Variants in TBC1D22A observed in about 807,000 individuals in gnomAD.
TBC1D22A encodes the protein TBC1 domain family member 22A, also known as putative GTPase activator.
In TBC1D22A, 38 loss-of-function variants were observed where a neutral mutation model predicts 60.2. The ratio of observed to expected loss-of-function variants is 0.63; its 90% CI spans 0.49 to 0.83. The LOEUF (loss-of-function observed/expected upper bound fraction) is 0.83. Among genes scored for constraint, TBC1D22A ranks in the 40% least tolerant of loss-of-function variants. The pLI is 0.00. For synonymous variants in TBC1D22A, 302 were observed against 281.7 expected (o/e 1.07, Z -0.72); for missense variants, 628 against 701.0 (o/e 0.90, Z 1.18).
chr22:47,110,183 C>T (rs112993429), intron 11 of TBC1D22A, among the ~76,000 whole-genome samples: 2 of 152,284 alleles, frequency 1.3e-5, no homozygotes, highest in African/African-American at 4.8e-5. Context: ...TGCCATGTGT[C>T]TAAATGCCTT....
chr22:47,035,460 G>T (rs2062624129), intron 10 of TBC1D22A, among the ~76,000 whole-genome samples: 1 of 152,200 alleles, frequency 6.6e-6, no homozygotes, highest in African/African-American at 2.4e-5. Flanking sequence ...GCTCCACCCA[G>T]TTCTGCAGTT....
intron 11 of TBC1D22A, among the ~76,000 whole-genome samples, chr22:47,084,624 G>C (rs980595582): frequency 6.6e-6 from 1 of 152,200 alleles, no homozygotes; most frequent in Non-Finnish European, 1.5e-5. Context: ...CAGAACCTAA[G>C]TATTCAGCAA....
chr22:47,118,355 A>G (rs114814035), intron 12 of TBC1D22A, among the ~76,000 whole-genome samples: 1,747 of 152,334 alleles, frequency 0.011, 34 homozygotes, highest in African/African-American at 0.039. Context: ...AAATTAGATC[A>G]TAATAAAGTT....
intron 12 of TBC1D22A, among the ~76,000 whole-genome samples, chr22:47,136,844 C>T (rs5766692): frequency 6.6e-6 from 1 of 151,940 alleles, no homozygotes; most frequent in South Asian, 2.1e-4. Context: ...CCTGTTGCAT[C>T]GGTAGGGTGG....
intron 11 of TBC1D22A, among the ~76,000 whole-genome samples, chr22:47,081,785 C>G (rs1266523679): frequency 6.6e-6 from 1 of 152,078 alleles, no homozygotes; most frequent in African/African-American, 2.4e-5. Flanking sequence ...CAAGACAGTG[C>G]TGAGAGAAAT....
At chr22:46,863,933 T>G (rs2147373228) in intron 4 of TBC1D22A, among the ~76,000 whole-genome samples, 1 of 152,264 alleles carries the variant, frequency 6.6e-6, no homozygotes, top group Non-Finnish European at 1.5e-5. Flanking sequence ...CTTCTCTAGC[T>G]CAGCATCTAG....
chr22:46,918,231 G>A (rs1042661139), intron 8 of TBC1D22A, among the ~76,000 whole-genome samples: 4 of 152,238 alleles, frequency 2.6e-5, no homozygotes, highest in Admixed American at 1.3e-4. Context: ...AATGGTGGCC[G>A]CATCTCTGCT....
intron 12 of TBC1D22A, among the ~76,000 whole-genome samples, chr22:47,112,663 C>T (rs2065894898): frequency 6.6e-6 from 1 of 152,224 alleles, no homozygotes; most frequent in African/African-American, 2.4e-5. Context: ...CAGATGGAAC[C>T]CAGCCCGGGT....
At chr22:46,941,415 CGGAATAT>C (rs2072063972) in intron 8 of TBC1D22A, among the ~76,000 whole-genome samples, 11 of 81,598 alleles carry the variant, frequency 1.3e-4, no homozygotes, top group Admixed American at 3.8e-4. Context: ...AATATATATA[CGGAATAT>C]ACACGGAATA....
chr22:46,813,208 A>G (rs1291997800), intron 4 of TBC1D22A, among the ~76,000 whole-genome samples: 2 of 152,256 alleles, frequency 1.3e-5, no homozygotes, highest in African/African-American at 4.8e-5. Flanking sequence ...TTCGTAAGAC[A>G]CAGATTTCCT....
At chr22:47,006,519 C>A (rs1209685366) in intron 10 of TBC1D22A, among the ~76,000 whole-genome samples, 3 of 152,200 alleles carry the variant, frequency 2.0e-5, no homozygotes, top group Admixed American at 2.0e-4. Context: ...AGGCTGTGAG[C>A]CTGCGTCCAC....
chr22:47,146,657 C>A (rs2067297172), intron 12 of TBC1D22A, among the ~76,000 whole-genome samples: 1 of 152,210 alleles, frequency 6.6e-6, no homozygotes, highest in Non-Finnish European at 1.5e-5. Flanking sequence ...TGTTACAGGA[C>A]AGGCAGCGAG....
intron 11 of TBC1D22A, among the ~76,000 whole-genome samples, chr22:47,059,197 G>A (rs190741334): frequency 4.6e-5 from 7 of 152,390 alleles, no homozygotes; most frequent in East Asian, 1.9e-4. Context: ...AGGCCATGCC[G>A]TGTGGGCGCC....
intron 3 of TBC1D22A, among the ~76,000 whole-genome samples, chr22:46,796,140 T>C (rs1268368598): frequency 7.2e-6 from 1 of 139,542 alleles, no homozygotes; most frequent in Non-Finnish European, 1.6e-5. Flanking sequence ...GAGATCCTCC[T>C]GGGGGTTGGG....
chr22:47,123,651 G>A (rs73889403), intron 12 of TBC1D22A, among the ~76,000 whole-genome samples: 3,147 of 152,340 alleles, frequency 0.021, 120 homozygotes, highest in African/African-American at 0.072. Context: ...CTTCATGCAG[G>A]TTTCTCTTTC....
chr22:46,919,216 G>C (rs940064281), intron 8 of TBC1D22A, among the ~76,000 whole-genome samples: 1 of 152,182 alleles, frequency 6.6e-6, no homozygotes, highest in Non-Finnish European at 1.5e-5. Flanking sequence ...TGTGTCTGTG[G>C]ATTTGCTTCT....
intron 4 of TBC1D22A, among the ~76,000 whole-genome samples, chr22:46,877,624 A>G (rs1367955741): frequency 6.6e-6 from 1 of 152,238 alleles, no homozygotes; most frequent in Non-Finnish European, 1.5e-5. Context: ...CTTAGACTTT[A>G]GTAATTGGAA....
intron 12 of TBC1D22A, among the ~76,000 whole-genome samples, chr22:47,124,149 G>A (rs374617741): frequency 5.9e-5 from 9 of 152,318 alleles, no homozygotes; most frequent in African/African-American, 2.2e-4. Context: ...GCGGGGGAGG[G>A]CACGCCTGAG....
chr22:46,908,685 G>GC (rs1230105800), intron 7 of TBC1D22A, among the ~76,000 whole-genome samples: 1 of 152,192 alleles, frequency 6.6e-6, no homozygotes, highest in African/African-American at 2.4e-5. Flanking sequence ...GTCTGGGTGG[G>GC]CAGAGGCCCT....
Sources: gnomAD v4.1 joint callset for allele counts (sites outside exome capture counted in the v4.1 genomes callset) on GRCh38, gnomAD v4.1.1 for gene constraint, MANE v1.5 for transcripts, NCBI Gene and HGNC (gene_info 2026-07-23, HGNC 2026-07-21) for gene names.